The following FAAP20 variants were observed in gnomAD, a reference collection of about 807,000 sequenced individuals.
FAAP20 encodes FA core complex associated protein 20.
In FAAP20, 12 loss-of-function variants were observed where a neutral mutation model predicts 16.2. That is an observed-to-expected ratio of 0.74 (90% CI 0.48 to 1.20). FAAP20 has a LOEUF of 1.20. FAAP20 is among the 50% of genes most tolerant of loss of function. The pLI is 0.00. For synonymous variants in FAAP20, 141 were observed against 110.7 expected (o/e 1.27, Z -1.72); for missense variants, 288 against 245.8 (o/e 1.17, Z -1.15).
At chr1:2,192,639 G>A in intron 3 of FAAP20, 1 of 1,176,038 alleles carries the variant, frequency 8.5e-7, no homozygotes, top group Non-Finnish European at 1.1e-6. Flanking sequence ...CGTGATTCAG[G>A]GTCTTACTCT....
downstream of FAAP20, chr1:2,184,756 C>T (rs1421108487): frequency 1.4e-5 from 22 of 1,528,368 alleles, no homozygotes; most frequent in South Asian, 7.0e-5. Flanking sequence ...CATGGCAGGC[C>T]GGCACCTTGG....
rs1366684579 is a variant in FAAP20 at position 2,193,765 on chromosome 1, GC to G, written c.343del (p.Ala115ProfsTer44). 1 of 1,595,110 alleles carries G rather than the reference GC, an allele frequency of 6.3e-7. No homozygotes were observed. Among genetic ancestry groups the G allele is most frequent in the South Asian group, 1.1e-5 (1 of 89,198 alleles). On this transcript the variant is annotated frameshift_variant, in exon 3 of 4. Coordinates refer to ENST00000378546, the MANE Select transcript of FAAP20 (RefSeq NM_182533.4). LOFTEE classifies it high-confidence loss of function. ...TGCCGGGCGCTGGGGCAGGGACCTG[GC>G]GGGGGATTCCAGGTGCCCTCCTGCC... Reference protein sequence around the residue: ...HGAGGHLESPARSLPQRPAPD... With the variant: ...HGAGGHLESPXRSLPQRPAPD...
chr1:2,186,461 G>C (rs186380456), downstream of FAAP20, among the ~76,000 whole-genome samples: 1 of 151,236 alleles, frequency 6.6e-6, no homozygotes, highest in Admixed American at 6.6e-5. Context: ...GCATACTGCC[G>C]GCCCATTCCC....
chr1:2,189,039 G>A (rs1352717886), downstream of FAAP20, among the ~76,000 whole-genome samples: 8 of 133,346 alleles, frequency 6.0e-5, no homozygotes, highest in Non-Finnish European at 1.3e-4. Flanking sequence ...CAAAAAGAAC[G>A]CCACCAGAGG....
downstream of FAAP20, among the ~76,000 whole-genome samples, chr1:2,211,835 T>A: frequency 6.6e-6 from 1 of 151,250 alleles, no homozygotes; most frequent in East Asian, 2.0e-4. Flanking sequence ...TCCACCTGCC[T>A]CGGCCTCCCA....
At chr1:2,199,105 G>A (rs537099283), upstream of FAAP20, 6 of 1,189,116 alleles carry the variant, frequency 5.0e-6, no homozygotes, top group East Asian at 3.6e-4. The surrounding 1 kb of genome is among the most constrained non-coding windows in gnomAD (Gnocchi z 4.5). Flanking sequence ...AGAAAGCCAG[G>A]AGCAGCTGGG....
chr1:2,188,434 C>T (rs1572093528), downstream of FAAP20, among the ~76,000 whole-genome samples: 2 of 152,338 alleles, frequency 1.3e-5, no homozygotes, highest in East Asian at 3.9e-4. Flanking sequence ...GACCACAGAC[C>T]TGGGGCTTCA....
chr1:2,190,254 A>C (rs1688049260), intron 3 of FAAP20: 1 of 457,116 alleles, frequency 2.2e-6, no homozygotes, highest in Non-Finnish European at 4.4e-6. Context: ...TCTGGCGAGG[A>C]GGGACCAAGC....
At chr1:2,185,242 C>G (rs1290204844), downstream of FAAP20, 1 of 710,760 alleles carries the variant, frequency 1.4e-6, no homozygotes, top group African/African-American at 1.7e-5. Flanking sequence ...GTGCCTGCGT[C>G]GCGGCGGATC....
At chr1:2,211,399 T>A (rs1420546567), downstream of FAAP20, among the ~76,000 whole-genome samples, 3 of 21,000 alleles carry the variant, frequency 1.4e-4, no homozygotes, top group Non-Finnish European at 1.7e-4. Context: ...CTGGCTAATT[T>A]TATATATATA....
At chr1:2,188,623 T>C (rs894684809), downstream of FAAP20, among the ~76,000 whole-genome samples, 4 of 152,156 alleles carry the variant, frequency 2.6e-5, no homozygotes, top group African/African-American at 9.6e-5. Context: ...AACCTAGGGA[T>C]TGGGGAGTTA....
At position 2,193,893 on chromosome 1, in the gene FAAP20, C is replaced by T. The variant is rs138779739; in HGVS notation, c.216G>A (p.Pro72=). ...CGACAGTGAAGACTTCAGTGGGCTC[C>T]GGGCCGCACCTGGGCTCCTGCAACA... ...AFPGQEPRCG[P]EPTEVFTVGP... Residue 72 remains proline (P), a synonymous_variant, in exon 3 of 4, where the codon CCG becomes CCA. Transcript: ENST00000378546. 9 of 1,612,154 alleles carry T rather than the reference C, an allele frequency of 5.6e-6. No homozygotes were observed. The highest frequency in any genetic ancestry group is 7.6e-6 in the Non-Finnish European group (9 of 1,179,782).
At chr1:2,194,175 G>A in intron 1 of FAAP20, 42 bp from the exon 2 acceptor site, 1 of 1,607,382 alleles carries the variant, frequency 6.2e-7, no homozygotes, top group Admixed American at 1.7e-5. Context: ...ACTCAGTAGC[G>A]GAAACGCTAT....
chr1:2,199,540 A>G, upstream of FAAP20: 4 of 985,916 alleles, frequency 4.1e-6, no homozygotes, highest in Non-Finnish European at 2.4e-6. This position sits in a 1 kb window ranked among gnomAD's most constrained non-coding sequence, Gnocchi z 4.5. Context: ...AGTGCGCGGC[A>G]CCAAGGAGCC....
chr1:2,194,451 G>A (rs1688651230), intron 1 of FAAP20, among the ~76,000 whole-genome samples: 1 of 142,456 alleles, frequency 7.0e-6, no homozygotes, highest in Admixed American at 6.9e-5. Flanking sequence ...CAGGGGAGAC[G>A]CGATGATGGG....
At chr1:2,186,458 GCCGGCCCATTCCCC>G (rs1480890177), downstream of FAAP20, among the ~76,000 whole-genome samples, 7 of 151,070 alleles carry the variant, frequency 4.6e-5, no homozygotes, top group Non-Finnish European at 1.5e-5. Flanking sequence ...TGGGCATACT[GCCGGCCCATTCCCC>G]CCGGCCCGAG....
chr1:2,207,037 T>G lies in FAAP20; in HGVS notation n.179-370A>C, dbSNP rs536280424. Among the ~76,000 whole-genome samples, 5 of 152,124 alleles carry G rather than the reference T, an allele frequency of 3.3e-5. No individual in the cohort carries two copies. In the South Asian group the frequency reaches 1.0e-3, roughly 32 times the overall value. On this transcript the variant is annotated intron_variant and non_coding_transcript_variant, in intron 1 of 7. Coordinates refer to the FAAP20 transcript ENST00000469733. ...CAGGGGAGGAGGGCACTGTTTCCTG[T>G]CGAAGTCCACATTTGTGAAAAAACA...
At chr1:2,194,242 G>A (rs1688609312) in intron 1 of FAAP20, 109 bp from the exon 2 acceptor site, 3 of 1,440,568 alleles carry the variant, frequency 2.1e-6, no homozygotes, top group South Asian at 1.3e-5. Flanking sequence ...GGGGGTACTA[G>A]AGGGAAATTC....
chr1:2,194,086 T>A lies in FAAP20; in HGVS notation c.110A>T (p.Glu37Val), dbSNP rs748960490. 6.2e-6 allele frequency: 10 copies of A among 1,612,028 alleles called. No individual in the cohort carries two copies. Among genetic ancestry groups the A allele is most frequent in the Middle Eastern group, 1.6e-4 (1 of 6,078 alleles). Residue 37 changes from glutamate (E) to valine (V), a missense_variant, in exon 2 of 4, where the codon GAG (glutamate) becomes GTG (valine). Physicochemically the swap from Glu to Val is moderately radical, Grantham distance 121. Coordinates refer to ENST00000378546, the MANE Select transcript of FAAP20 (RefSeq NM_182533.4). ...PWFLLGGDERERLWAELLRTV... is the reference protein window; with the variant it reads ...PWFLLGGDERVRLWAELLRTV... ...GCGCAGTAGCTCGGCCCAGAGCCGCTCCCGCTCATCACCCCCCAGGAGAAA... is the reference window on the plus strand; with the variant it reads ...GCGCAGTAGCTCGGCCCAGAGCCGCACCCGCTCATCACCCCCCAGGAGAAA...
Sources: gnomAD v4.1 joint callset for allele counts (sites outside exome capture counted in the v4.1 genomes callset) on GRCh38, gnomAD v4.1.1 for gene constraint, Gnocchi (gnomAD v3.1) non-coding constraint, MANE v1.5 for transcripts, NCBI Gene and HGNC (gene_info 2026-07-23, HGNC 2026-07-21) for gene names.